FBXO34: variants seen among roughly 807,000 people sequenced by gnomAD.
FBXO34 encodes F-box protein 34, also known as F-box only protein 34.
Under a neutral mutation model 24.5 loss-of-function variants are expected in FBXO34, and 12 were observed. The ratio of observed to expected loss-of-function variants is 0.49; its 90% CI spans 0.31 to 0.79. The LOEUF (loss-of-function observed/expected upper bound fraction) is 0.79. Ranked by LOEUF, FBXO34 falls within the 30% of genes least tolerant of loss-of-function variation. The pLI is 0.04. For missense variants in FBXO34, 823 were observed against 857.7 expected, an observed-to-expected ratio of 0.96 and a Z score of 0.51; for synonymous variants, 320 against 311.9, an observed-to-expected ratio of 1.03 and a Z score of -0.27.
chr14:55,379,095 C>G, the FBXO34 span, among the ~76,000 whole-genome samples: 2 of 152,144 alleles, frequency 1.3e-5, no homozygotes, highest in Admixed American at 6.5e-5. Flanking sequence ...GCTGGGCCCT[C>G]CATGAAAATG....
the FBXO34 span, among the ~76,000 whole-genome samples, chr14:55,432,300 C>G: frequency 6.7e-6 from 1 of 149,836 alleles, no homozygotes; most frequent in Non-Finnish European, 1.5e-5. Flanking sequence ...GTGGTCCCAG[C>G]TACTTAAGAG....
At chr14:55,353,982 C>A (rs1164238557), downstream of FBXO34, among the ~76,000 whole-genome samples, 1 of 152,136 alleles carries the variant, frequency 6.6e-6, no homozygotes, top group African/African-American at 2.4e-5. Flanking sequence ...GGTGGAAGAT[C>A]TAAAAACTAG....
At chr14:55,370,446 C>T (rs1314562203), downstream of FBXO34, among the ~76,000 whole-genome samples, 2 of 152,206 alleles carry the variant, frequency 1.3e-5, no homozygotes, top group Non-Finnish European at 2.9e-5. Context: ...GAATGAGGCA[C>T]AACTGTTTAG....
downstream of FBXO34, among the ~76,000 whole-genome samples, chr14:55,371,791 G>A (rs769478490): frequency 1.1e-4 from 16 of 151,274 alleles, no homozygotes; most frequent in Admixed American, 2.6e-4. Flanking sequence ...GCGACAGAGC[G>A]AGACTCTGTC....
chr14:55,316,793 C>CA (rs1337390181), intron 1 of FBXO34, among the ~76,000 whole-genome samples: 3 of 151,698 alleles, frequency 2.0e-5, no homozygotes, highest in Non-Finnish European at 4.4e-5. Flanking sequence ...TTTTCAGACT[C>CA]AAAGTCCACG....
At chr14:55,411,997 A>G in the FBXO34 span, 1 of 622,556 alleles carries the variant, frequency 1.6e-6, no homozygotes, top group Non-Finnish European at 2.8e-6. Context: ...CTGAGGGGCA[A>G]CAGGTCCCGA....
chr14:55,286,539 T>TA (rs1881766821), intron 1 of FBXO34, among the ~76,000 whole-genome samples: 1 of 152,234 alleles, frequency 6.6e-6, no homozygotes, highest in African/African-American at 2.4e-5. Context: ...AATGTCCCTT[T>TA]AGTCTATGTT....
intron 1 of FBXO34, among the ~76,000 whole-genome samples, chr14:55,285,767 C>T (rs920268742): frequency 5.3e-5 from 8 of 152,096 alleles, no homozygotes; most frequent in African/African-American, 1.2e-4. Flanking sequence ...TTCCTTTAAC[C>T]GAACACTTGT....
the FBXO34 span, among the ~76,000 whole-genome samples, chr14:55,419,858 G>A: frequency 6.6e-6 from 1 of 152,186 alleles, no homozygotes; most frequent in Non-Finnish European, 1.5e-5. Flanking sequence ...AAGTTCATTT[G>A]TAATTGCAAC....
chr14:55,402,932 T>A, the FBXO34 span, among the ~76,000 whole-genome samples: 105 of 18,386 alleles, frequency 5.7e-3, 1 homozygote, highest in East Asian at 7.9e-3. Flanking sequence ...AAAAAATATA[T>A]ATATATATAT....
At chr14:55,439,135 C>T in the FBXO34 span, among the ~76,000 whole-genome samples, 78,841 of 151,414 alleles carry the variant, frequency 0.52, 20,685 homozygotes, top group East Asian at 0.64. Context: ...GGCGAAGTTT[C>T]GCCATGTTGG....
intron 1 of FBXO34, among the ~76,000 whole-genome samples, chr14:55,292,546 A>G (rs893540434): frequency 6.6e-6 from 1 of 151,872 alleles, no homozygotes; most frequent in Non-Finnish European, 1.5e-5. Context: ...TTTTCTCAGT[A>G]GAGATGTGGT....
chr14:55,404,774 C>T, the FBXO34 span, among the ~76,000 whole-genome samples: 16 of 151,978 alleles, frequency 1.1e-4, no homozygotes, highest in African/African-American at 2.2e-4. Context: ...TTTTCTTTTC[C>T]GATACTGTTA....
chr14:55,310,773 C>T (rs1413619537), intron 1 of FBXO34, among the ~76,000 whole-genome samples: 2 of 152,116 alleles, frequency 1.3e-5, no homozygotes, highest in Admixed American at 6.5e-5. Flanking sequence ...TATCTATTTG[C>T]AGATTGCCTC....
chr14:55,391,594 G>A, the FBXO34 span, among the ~76,000 whole-genome samples: 1 of 151,930 alleles, frequency 6.6e-6, no homozygotes, highest in Non-Finnish European at 1.5e-5. Flanking sequence ...TAGCTATATA[G>A]CTACTAGCCA....
At chr14:55,418,402 G>A in the FBXO34 span, among the ~76,000 whole-genome samples, 1 of 152,176 alleles carries the variant, frequency 6.6e-6, no homozygotes, top group African/African-American at 2.4e-5. Flanking sequence ...CTTACATCAA[G>A]TCATAACTGC....
chr14:55,434,173 C>T, the FBXO34 span, among the ~76,000 whole-genome samples: 2 of 152,108 alleles, frequency 1.3e-5, no homozygotes, highest in Non-Finnish European at 2.9e-5. Flanking sequence ...AAAGGCTCAC[C>T]AAGACTTCAG....
intron 3 of FBXO34, among the ~76,000 whole-genome samples, chr14:55,358,826 C>A (rs1332340073): frequency 6.6e-6 from 1 of 152,122 alleles, no homozygotes; most frequent in African/African-American, 2.4e-5. Context: ...CCTATTAAAT[C>A]AACCACTGGG....
the FBXO34 span, among the ~76,000 whole-genome samples, chr14:55,393,789 G>A: frequency 2.0e-4 from 31 of 151,882 alleles, no homozygotes; most frequent in Non-Finnish European, 5.9e-5. Flanking sequence ...CTGGGCTTGA[G>A]CAATCCACCT....
Sources: allele counts gnomAD v4.1 joint callset (sites outside exome capture counted in the v4.1 genomes callset), GRCh38; gene constraint gnomAD v4.1.1; transcripts MANE v1.5; gene names NCBI Gene and HGNC (gene_info 2026-07-23, HGNC 2026-07-21).